The following ARFGEF1 variants were observed in gnomAD, a reference collection of about 807,000 sequenced individuals.
ARFGEF1 encodes the protein ARF guanine nucleotide exchange factor 1.
ARFGEF1 carries 42 observed loss-of-function variants against 231.0 expected under a neutral mutation model. The ratio of observed to expected loss-of-function variants is 0.18; its 90% confidence interval spans 0.14 to 0.24. The LOEUF (loss-of-function observed/expected upper bound fraction) is 0.24, where lower values mean the gene tolerates loss of function less well. Among genes scored for constraint, ARFGEF1 ranks in the 10% least tolerant of loss-of-function variants. The pLI is 1.00. For missense variants in ARFGEF1, 1,345 were observed against 2,192.0 expected, an observed-to-expected ratio of 0.61 and a Z score of 7.72; for synonymous variants, 710 against 732.3, an observed-to-expected ratio of 0.97 and a Z score of 0.49.
intron 9 of ARFGEF1, among the ~76,000 whole-genome samples, chr8:67,274,893 T>C (rs989670894): frequency 1.6e-4 from 24 of 152,126 alleles, no homozygotes; most frequent in Non-Finnish European, 3.1e-4. Context: ...TGTCGATTTT[T>C]TAATGAGATT....
At position 67,226,184 on chromosome 8, in the gene ARFGEF1, CT is replaced by C; in HGVS notation, c.3917-2del. 1 of 1,580,008 alleles carries C rather than the reference CT, an allele frequency of 6.3e-7. No homozygotes were observed. The highest frequency in any genetic ancestry group is 8.6e-7 in the Non-Finnish European group (1 of 1,166,142). ...GGAAAGTGTTTTTCAAATACAAGGG[CT>C]AAAATAGAGAAAAATATATATTACT... On this transcript the variant is annotated splice_acceptor_variant, in intron 27 of 38. Coordinates refer to ENST00000262215, the MANE Select transcript of ARFGEF1 (RefSeq NM_006421.5). LOFTEE classifies it high-confidence loss of function.
intron 28 of ARFGEF1, 68 bp downstream of exon 28, chr8:67,225,955 A>C: frequency 2.1e-6 from 3 of 1,445,956 alleles, no homozygotes; most frequent in South Asian, 1.5e-5. Context: ...CTCAATTCCC[A>C]AACAAACTTA....
chr8:67,294,146 G>C (rs72654960), intron 5 of ARFGEF1, among the ~76,000 whole-genome samples: 50,164 of 151,816 alleles, frequency 0.33, 8,584 homozygotes, highest in African/African-American at 0.41. Context: ...TATAAGTAAT[G>C]TAGAGATGAT....
At chr8:67,243,944 AG>A (rs1840012512) in intron 19 of ARFGEF1, among the ~76,000 whole-genome samples, 1 of 152,080 alleles carries the variant, frequency 6.6e-6, no homozygotes, top group Non-Finnish European at 1.5e-5. Context: ...AAAATTCCAC[AG>A]TTGAAAAATG....
At chr8:67,326,852 G>A (rs1487980248) in intron 1 of ARFGEF1, among the ~76,000 whole-genome samples, 1 of 152,146 alleles carries the variant, frequency 6.6e-6, no homozygotes, top group Non-Finnish European at 1.5e-5. Flanking sequence ...AGGATTTACT[G>A]TATAAATATT....
At position 67,246,663 on chromosome 8, in the gene ARFGEF1, C is replaced by A. The variant is rs181115355; in HGVS notation, c.2850+4636G>T. 2.0e-5 allele frequency among the ~76,000 whole-genome samples: 3 copies of A among 149,974 alleles called. No individual in the cohort carries two copies. In the Admixed American group the frequency reaches 2.0e-4, roughly 10 times the overall value. On this transcript the variant is annotated intron_variant, in intron 19 of 38. Transcript: ENST00000262215. ...TGTCTACATCAAAAAAGAAGAAAAACTCCAAATAAACAACCTAATGATGTT... is the reference window on the plus strand; with the variant it reads ...TGTCTACATCAAAAAAGAAGAAAAAATCCAAATAAACAACCTAATGATGTT...
At chr8:67,182,620 C>A (rs989038698) in intron 5 of ARFGEF1, among the ~76,000 whole-genome samples, 4 of 152,214 alleles carry the variant, frequency 2.6e-5, no homozygotes, top group African/African-American at 9.6e-5. Flanking sequence ...CACAAAAGTT[C>A]CGATTTCTCT....
chr8:67,223,472 G>A (rs1458331925), intron 29 of ARFGEF1, among the ~76,000 whole-genome samples: 1 of 152,150 alleles, frequency 6.6e-6, no homozygotes, highest in Non-Finnish European at 1.5e-5. Flanking sequence ...ACAGATGTGA[G>A]CCATGGCATC....
intron 17 of ARFGEF1, 44 bp downstream of exon 17, chr8:67,257,688 A>AT (rs1840505772): frequency 7.1e-7 from 1 of 1,407,672 alleles, no homozygotes; most frequent in African/African-American, 1.4e-5. Flanking sequence ...TAATGTACTT[A>AT]TTTTGTACCG....
At chr8:67,281,442 A>AG (rs1487111652) in intron 7 of ARFGEF1, among the ~76,000 whole-genome samples, 1 of 152,148 alleles carries the variant, frequency 6.6e-6, no homozygotes, top group African/African-American at 2.4e-5. Context: ...TTTTAATCAA[A>AG]CAAGAAAACT....
intron 5 of ARFGEF1, among the ~76,000 whole-genome samples, chr8:67,184,965 AAGG>A (rs1322747425): frequency 1.4e-5 from 2 of 146,546 alleles, no homozygotes. Context: ...AAAAAAAAAA[AAGG>A]TGGTGGGCAC....
At chr8:67,193,692 A>G, downstream of ARFGEF1, 1 of 1,161,382 alleles carries the variant, frequency 8.6e-7, no homozygotes, top group Non-Finnish European at 1.2e-6. Flanking sequence ...TCTGAGGGAT[A>G]GATGGAATGA....
rs371681100 is a variant in ARFGEF1, at chr8:67,179,863, C to T, written c.561-4291G>A. On this transcript the variant is annotated intron_variant, in intron 5 of 5. Coordinates refer to the ARFGEF1 transcript ENST00000518789. ...AGTCATTGAAACATGTTTCTTTTAG[C>T]CCAGAGATGACACTAGTGATTTCTT... The T allele has an allele frequency of 1.3e-4, 203 of 1,589,478 alleles. No homozygotes were observed. Among genetic ancestry groups the T allele is most frequent in the Non-Finnish European group, 1.7e-4 (194 of 1,159,882 alleles).
In ARFGEF1 at chr8:67,198,704, C is replaced by T. The variant is rs2129577084; in HGVS notation, c.*230G>A. ...GGAAGGACCCGTGAGCATGAGCTGA[C>T]ACTGTTTAAACAGGCTTTCTGCTCA... On this transcript the variant is annotated 3_prime_UTR_variant, in exon 39 of 39. Coordinates refer to ENST00000262215, the MANE Select transcript of ARFGEF1 (RefSeq NM_006421.5). The T allele has an allele frequency of 7.8e-7, 1 of 1,280,774 alleles. No homozygotes were observed. The highest frequency in any genetic ancestry group is 4.1e-5 in the Admixed American group (1 of 24,678). The allele number at this position is 1,280,774 out of a possible 1,614,324, so 79.3% of individuals were successfully genotyped here.
intron 5 of ARFGEF1, among the ~76,000 whole-genome samples, chr8:67,184,943 CAAAAAAAAAAA>C (rs796384901): frequency 8.9e-5 from 5 of 56,086 alleles, no homozygotes; most frequent in African/African-American, 2.0e-4. Flanking sequence ...ACTAAAAATA[CAAAAAAAAAAA>C]AAAAAAAAAA....
chr8:67,201,790 G>A (rs1838338841), intron 36 of ARFGEF1, 185 bp from the exon 37 acceptor site: 1 of 708,278 alleles, frequency 1.4e-6, no homozygotes, highest in Non-Finnish European at 2.2e-6. Context: ...ATTCAAGCTG[G>A]GGATATGAGA....
chr8:67,323,763 T>TTA (rs1215121431), intron 1 of ARFGEF1, among the ~76,000 whole-genome samples: 1 of 152,168 alleles, frequency 6.6e-6, no homozygotes, highest in African/African-American at 2.4e-5. Flanking sequence ...AACAGTTTAT[T>TTA]AACAGTCTCA....
intron 7 of ARFGEF1, among the ~76,000 whole-genome samples, chr8:67,287,618 A>G (rs1001607642): frequency 3.3e-5 from 5 of 152,134 alleles, no homozygotes; most frequent in African/African-American, 1.2e-4. Context: ...TTCAATATAC[A>G]TTATATCACT....
chr8:67,335,435 T>TA (rs1359746847), intron 1 of ARFGEF1, among the ~76,000 whole-genome samples: 3 of 152,142 alleles, frequency 2.0e-5, no homozygotes, highest in Non-Finnish European at 4.4e-5. Context: ...TTGTTGTAGT[T>TA]ACACTTTTGA....
Sources: allele counts gnomAD v4.1 joint callset (sites outside exome capture counted in the v4.1 genomes callset), GRCh38; gene constraint gnomAD v4.1.1; transcripts MANE v1.5; gene names NCBI Gene and HGNC (gene_info 2026-07-23, HGNC 2026-07-21).